Variants in ASB5 observed in about 807,000 individuals in gnomAD.
ASB5 encodes ankyrin repeat and SOCS box protein 5.
A neutral mutation model predicts 42.1 loss-of-function variants in ASB5; 45 were observed. That is an observed-to-expected ratio of 1.07 (90% CI 0.84 to 1.37). The LOEUF (loss-of-function observed/expected upper bound fraction) is 1.37. Among genes scored for constraint, ASB5 ranks in the 40% most tolerant of loss-of-function variants. The probability of loss-of-function intolerance (pLI) is 0.00; values close to 1 mark genes in which losing one functional copy is unlikely to be tolerated. For synonymous variants in ASB5, 147 were observed against 150.6 expected (o/e 0.98, Z 0.18); for missense variants, 402 against 399.8 (o/e 1.01, Z -0.05).
At position 176,215,557 on chromosome 4, in the gene ASB5, T is replaced by C. The variant is rs1222979233; in HGVS notation, c.*43A>G. 1 of 1,577,118 alleles carries C rather than the reference T, an allele frequency of 6.3e-7. No individual in the cohort carries two copies. On this transcript the variant is annotated 3_prime_UTR_variant, in exon 7 of 7. Coordinates refer to ENST00000296525, the MANE Select transcript of ASB5 (RefSeq NM_080874.4). The stretch of plus-strand genomic sequence containing the variant: ...TGAACTATTCCTTAAGCAAAAGAAA[T>C]AGAAATTTTGATTTTCAAGGTATTT...
chr4:176,275,852 T>A (rs1016628148), exon 2 of ASB5: 1 of 152,230 alleles, frequency 6.6e-6, no homozygotes, highest in African/African-American at 2.4e-5. Flanking sequence ...CTGAGTCCCC[T>A]CTCCCTCATC....
At chr4:176,245,980 G>A (rs1290234188) in intron 1 of ASB5, among the ~76,000 whole-genome samples, 1 of 151,810 alleles carries the variant, frequency 6.6e-6, no homozygotes, top group African/African-American at 2.4e-5. Flanking sequence ...AAACCAACAT[G>A]GCACTTGTAT....
intron 1 of ASB5, among the ~76,000 whole-genome samples, chr4:176,237,881 C>T (rs962610772): frequency 2.0e-5 from 3 of 152,188 alleles, no homozygotes; most frequent in African/African-American, 4.8e-5. Flanking sequence ...CAGTAGTGAT[C>T]AGTGACTAGG....
chr4:176,274,579 T>G (rs1231477731), intron 2 of ASB5, among the ~76,000 whole-genome samples: 1 of 152,298 alleles, frequency 6.6e-6, no homozygotes, highest in East Asian at 1.9e-4. Context: ...CAGATGTTAG[T>G]GTTGAAACAT....
upstream of ASB5, among the ~76,000 whole-genome samples, chr4:176,270,796 G>T (rs1754455277): frequency 6.6e-6 from 1 of 152,082 alleles, no homozygotes; most frequent in African/African-American, 2.4e-5. Context: ...CTTCCCTCTG[G>T]CATGATGATG....
rs1168234295 is a variant in ASB5 at position 176,215,025 on chromosome 4, GCC to G, written c.*573_*574del. Reference sequence around the variant, plus strand: ...AAGAGAAGTGACTTGTGAGTCCTTTGCCAGGGGTAAGTGGGGGAGAGGGGGGC... The same window carrying G: ...AAGAGAAGTGACTTGTGAGTCCTTTGAGGGGTAAGTGGGGGAGAGGGGGGC... On this transcript the variant is annotated 3_prime_UTR_variant, in exon 7 of 7. Transcript: ENST00000296525. 6 of 149,036 alleles carry G rather than the reference GCC, an allele frequency of 4.0e-5. No individual in the cohort carries two copies. Among genetic ancestry groups the G allele is most frequent in the Non-Finnish European group, 5.9e-5 (4 of 67,598 alleles). 9.2% of individuals were successfully genotyped at this position (149,036 alleles called of 1,614,324 possible).
chr4:176,262,913 T>A (rs375458308), intron 1 of ASB5, among the ~76,000 whole-genome samples: 1 of 152,238 alleles, frequency 6.6e-6, no homozygotes, highest in East Asian at 1.9e-4. Context: ...AAAATATTTA[T>A]GCATTTCTCC....
intron 1 of ASB5, among the ~76,000 whole-genome samples, chr4:176,263,066 T>C (rs1754293102): frequency 6.6e-6 from 1 of 152,298 alleles, no homozygotes; most frequent in East Asian, 1.9e-4. Flanking sequence ...GATAGATTAA[T>C]GCTTGCCCTC....
At chr4:176,241,731 T>C (rs1487672961) in intron 1 of ASB5, 1 of 1,176,900 alleles carries the variant, frequency 8.5e-7, no homozygotes, top group African/African-American at 1.6e-5. Flanking sequence ...GAAAAAAAAT[T>C]GAGCAGTTGT....
At chr4:176,233,716 T>TC (rs1753612977) in intron 1 of ASB5, among the ~76,000 whole-genome samples, 1 of 152,180 alleles carries the variant, frequency 6.6e-6, no homozygotes, top group Non-Finnish European at 1.5e-5. Flanking sequence ...AGTCTTTGCA[T>TC]CTATCTACAT....
chr4:176,249,717 TG>T (rs75862561), intron 1 of ASB5, among the ~76,000 whole-genome samples: 13,345 of 152,156 alleles, frequency 0.088, 632 homozygotes, highest in Middle Eastern at 0.12. Context: ...TCCAGAGGGC[TG>T]GGGAAGCAAA....
At chr4:176,270,100 G>T (rs867834654), upstream of ASB5, among the ~76,000 whole-genome samples, 3 of 152,104 alleles carry the variant, frequency 2.0e-5, no homozygotes, top group South Asian at 2.1e-4. Context: ...TTTTAAAAGA[G>T]AAATAGAATA....
intron 1 of ASB5, among the ~76,000 whole-genome samples, chr4:176,248,185 G>A (rs947503259): frequency 3.3e-5 from 5 of 152,002 alleles, no homozygotes; most frequent in South Asian, 2.1e-4. Context: ...GGAGTGCAGC[G>A]GCACGATCAT....
rs550220290 is a variant in ASB5, at chr4:176,249,126, C to A, written c.196+19787G>T. 2.0e-5 allele frequency among the ~76,000 whole-genome samples: 3 copies of A among 152,288 alleles called. No homozygotes were observed. In the South Asian group the frequency reaches 6.2e-4, roughly 32 times the overall value. On this transcript the variant is annotated intron_variant, in intron 1 of 6. Transcript: ENST00000296525. ...GGATGACAGGCGTGGGCCACCACAC[C>A]CGACTAATTTTTGTATTTTTAGTAG...
chr4:176,265,004 A>C (rs533570313), intron 1 of ASB5, among the ~76,000 whole-genome samples: 32 of 152,148 alleles, frequency 2.1e-4, no homozygotes, highest in Non-Finnish European at 4.4e-4. Context: ...ACTTATTTCA[A>C]ATCTCTCTCG....
chr4:176,270,463 T>C (rs982055002), upstream of ASB5, among the ~76,000 whole-genome samples: 1 of 152,114 alleles, frequency 6.6e-6, no homozygotes, highest in African/African-American at 2.4e-5. Flanking sequence ...GAGAAATGGC[T>C]GTAAAATAAA....
At chr4:176,254,930 GACCAGCCTGAC>G (rs1299755733) in intron 1 of ASB5, among the ~76,000 whole-genome samples, 5 of 152,140 alleles carry the variant, frequency 3.3e-5, no homozygotes, top group Admixed American at 3.3e-4. Context: ...AGGCGTTTGA[GACCAGCCTGAC>G]CAACATGGTG....
At chr4:176,231,309 C>T (rs1202004894) in intron 1 of ASB5, among the ~76,000 whole-genome samples, 1 of 151,866 alleles carries the variant, frequency 6.6e-6, no homozygotes, top group Non-Finnish European at 1.5e-5. Flanking sequence ...GAGCTCCAAG[C>T]TCCTTGTAAT....
Position 176,217,020 on chromosome 4 carries a change from T to TA in ASB5, c.671-12dup. On this transcript the variant is annotated splice_polypyrimidine_tract_variant and intron_variant, in intron 5 of 6. Coordinates refer to ENST00000296525, the MANE Select transcript of ASB5 (RefSeq NM_080874.4). ...TCTGTACGTCAGCACCTACATGTAA[T>TA]ACGGAGTGAAGATAAATATAAATAA... 6.4e-7 allele frequency: 1 copy of TA among 1,569,710 alleles called. No homozygotes were observed. Among genetic ancestry groups the TA allele is most frequent in the Non-Finnish European group, 8.6e-7 (1 of 1,159,178 alleles).
Sources: allele counts gnomAD v4.1 joint callset (sites outside exome capture counted in the v4.1 genomes callset), GRCh38; gene constraint gnomAD v4.1.1; transcripts MANE v1.5; gene names NCBI Gene and HGNC (gene_info 2026-07-23, HGNC 2026-07-21).